Variants in NREP observed in about 807,000 individuals in gnomAD.
NREP encodes the protein neuronal regeneration-related protein.
Under a neutral mutation model 8.6 loss-of-function variants are expected in NREP, and 5 were observed. The observed-to-expected ratio is 0.58, with a 90% CI of 0.30 to 1.22. The LOEUF is 1.22. NREP is among the 50% of genes most tolerant of loss of function. The pLI is 0.07. For synonymous variants in NREP, 27 were observed against 28.0 expected (o/e 0.96, Z 0.11); for missense variants, 86 against 82.5 (o/e 1.04, Z -0.17).
chr5:111,884,698 A>G (rs1045463534), intron 2 of NREP, among the ~76,000 whole-genome samples: 1 of 152,256 alleles, frequency 6.6e-6, no homozygotes, highest in African/African-American at 2.4e-5. Flanking sequence ...GCAGTCCAGC[A>G]TATAAACAGA....
chr5:111,928,392 TCA>T (rs1383516771), intron 2 of NREP, among the ~76,000 whole-genome samples: 4 of 152,142 alleles, frequency 2.6e-5, no homozygotes, highest in African/African-American at 9.7e-5. Context: ...AATAAGGTTC[TCA>T]GTTTCAAATT....
At chr5:111,960,324 T>C (rs910656358) in intron 2 of NREP, among the ~76,000 whole-genome samples, 6 of 152,198 alleles carry the variant, frequency 3.9e-5, no homozygotes, top group East Asian at 1.9e-4. Flanking sequence ...AAGTCATAGA[T>C]TGATCCTTTA....
chr5:111,912,290 C>CA (rs905555880), intron 2 of NREP, among the ~76,000 whole-genome samples: 41 of 152,080 alleles, frequency 2.7e-4, no homozygotes, highest in African/African-American at 9.4e-4. Flanking sequence ...CCCACCCTGG[C>CA]AAAATGAGCT....
At chr5:111,742,556 T>C (rs1219151191) in intron 2 of NREP, among the ~76,000 whole-genome samples, 1 of 152,028 alleles carries the variant, frequency 6.6e-6, no homozygotes, top group Non-Finnish European at 1.5e-5. Flanking sequence ...CTAAGAATAA[T>C]AGCAAAGACT....
At chr5:111,863,982 A>T (rs769830331) in intron 2 of NREP, among the ~76,000 whole-genome samples, 2 of 152,132 alleles carry the variant, frequency 1.3e-5, no homozygotes, top group African/African-American at 4.8e-5. Context: ...TTACTGCTAT[A>T]TTCTATTTGT....
At chr5:111,793,020 G>A (rs1415356414) in intron 2 of NREP, among the ~76,000 whole-genome samples, 3 of 152,142 alleles carry the variant, frequency 2.0e-5, no homozygotes, top group Admixed American at 6.6e-5. Context: ...AGGAATAGGG[G>A]ACATGTCGTA....
At chr5:111,946,232 TA>T (rs202149736) in intron 2 of NREP, among the ~76,000 whole-genome samples, 11,697 of 141,894 alleles carry the variant, frequency 0.082, 540 homozygotes, top group Non-Finnish European at 0.11. Flanking sequence ...AGTTTCTTTC[TA>T]AAAAAAAAAA....
At chr5:111,824,070 T>C (rs989336861) in intron 2 of NREP, among the ~76,000 whole-genome samples, 3 of 151,956 alleles carry the variant, frequency 2.0e-5, no homozygotes, top group Non-Finnish European at 2.9e-5. Flanking sequence ...TAATGGAAAA[T>C]GGGAAAGAAA....
intron 2 of NREP, among the ~76,000 whole-genome samples, chr5:111,817,308 T>C (rs1427963864): frequency 2.6e-5 from 4 of 152,212 alleles, no homozygotes; most frequent in East Asian, 1.9e-4. Flanking sequence ...CAGTGCATCA[T>C]TGAATGGAAG....
intron 2 of NREP, among the ~76,000 whole-genome samples, chr5:111,817,960 AT>A (rs1752431993): frequency 6.6e-6 from 1 of 152,192 alleles, no homozygotes; most frequent in Non-Finnish European, 1.5e-5. Flanking sequence ...CAATAAAAAT[AT>A]TACATCACAT....
intron 2 of NREP, among the ~76,000 whole-genome samples, chr5:111,922,039 T>A (rs1268910591): frequency 1.3e-5 from 2 of 152,158 alleles, no homozygotes; most frequent in African/African-American, 4.8e-5. Context: ...GGTATGTCTT[T>A]ACCAGCAGTG....
At chr5:111,882,009 G>T (rs1046946475) in intron 2 of NREP, among the ~76,000 whole-genome samples, 1 of 152,150 alleles carries the variant, frequency 6.6e-6, no homozygotes, top group Non-Finnish European at 1.5e-5. Flanking sequence ...AGAGAAGAAG[G>T]CTTCAGATGA....
At chr5:111,752,175 T>C (rs1410265139) in intron 2 of NREP, among the ~76,000 whole-genome samples, 2 of 152,224 alleles carry the variant, frequency 1.3e-5, no homozygotes, top group Non-Finnish European at 2.9e-5. Flanking sequence ...CTGATTTACA[T>C]CTTTTAAAGA....
At chr5:111,867,713 GA>G (rs1384805364) in intron 2 of NREP, among the ~76,000 whole-genome samples, 1 of 152,048 alleles carries the variant, frequency 6.6e-6, no homozygotes, top group African/African-American at 2.4e-5. Context: ...CATCGAATAA[GA>G]AAACAAAACA....
rs188197470 is a variant in NREP, at chr5:111,828,626, A to T, written c.136-93119T>A. Among the ~76,000 whole-genome samples the T allele has an allele frequency of 2.0e-3, 309 of 152,266 alleles. 2 individuals are homozygous for T. Among genetic ancestry groups the T allele is most frequent in the African/African-American group, 7.1e-3 (294 of 41,542 alleles). On this transcript the variant is annotated intron_variant, in intron 2 of 3. Transcript: ENST00000395634. ...TACCGTTGATTGCTTTGGAAATAAA[A>T]AAAATGACTATGTAATACAAAATCA...
intron 2 of NREP, among the ~76,000 whole-genome samples, chr5:111,880,635 C>G (rs568558285): frequency 6.6e-6 from 1 of 151,416 alleles, no homozygotes; most frequent in Non-Finnish European, 1.5e-5. Context: ...CATCTCTAAT[C>G]GTGGACACAT....
At chr5:111,873,631 C>G (rs1753838501) in intron 2 of NREP, among the ~76,000 whole-genome samples, 1 of 152,198 alleles carries the variant, frequency 6.6e-6, no homozygotes, top group African/African-American at 2.4e-5. Context: ...CCTCTTCTCT[C>G]TGACGCACTC....
chr5:111,778,955 G>A (rs573972306), intron 2 of NREP, among the ~76,000 whole-genome samples: 3 of 151,946 alleles, frequency 2.0e-5, no homozygotes, highest in East Asian at 3.9e-4. Context: ...AATGGTCCTC[G>A]AATATCATAG....
intron 2 of NREP, among the ~76,000 whole-genome samples, chr5:111,942,720 T>C (rs1324753014): frequency 3.9e-5 from 6 of 151,958 alleles, no homozygotes; most frequent in Admixed American, 3.9e-4. Context: ...GGTCAAAATA[T>C]TTTACTGTCA....
Sources: gnomAD v4.1 joint callset for allele counts (sites outside exome capture counted in the v4.1 genomes callset) on GRCh38, gnomAD v4.1.1 for gene constraint, MANE v1.5 for transcripts, NCBI Gene and HGNC (gene_info 2026-07-23, HGNC 2026-07-21) for gene names.